SLC4A10: variants seen among roughly 807,000 people sequenced by gnomAD.
The protein encoded by SLC4A10 is solute carrier family 4 member 10, also known as sodium-driven chloride bicarbonate exchanger.
A neutral mutation model predicts 137.7 loss-of-function variants in SLC4A10; 42 were observed. The observed-to-expected ratio is 0.30, with a 90% confidence interval of 0.24 to 0.39. SLC4A10 has a LOEUF of 0.39. SLC4A10 is among the 10% of genes least tolerant of loss of function. SLC4A10 has a pLI of 1.00. For synonymous variants in SLC4A10, 474 were observed against 464.1 expected, an observed-to-expected ratio of 1.02 and a Z score of -0.27; for missense variants, 925 against 1,355.0, an observed-to-expected ratio of 0.68 and a Z score of 4.98.
At chr2:161,795,444 A>G (rs1393181374) in intron 2 of SLC4A10, among the ~76,000 whole-genome samples, 1 of 152,102 alleles carries the variant, frequency 6.6e-6, no homozygotes, top group African/African-American at 2.4e-5. Flanking sequence ...ATACAACTCA[A>G]TGAGTTTGGA....
chr2:161,906,665 C>T (rs543166890), intron 15 of SLC4A10, among the ~76,000 whole-genome samples: 44 of 152,290 alleles, frequency 2.9e-4, no homozygotes, highest in African/African-American at 9.6e-4. Flanking sequence ...TCTGCATCAA[C>T]CACCAATCAT....
intron 1 of SLC4A10, among the ~76,000 whole-genome samples, chr2:161,742,528 C>T (rs961257119): frequency 6.7e-6 from 1 of 149,522 alleles, no homozygotes; most frequent in Non-Finnish European, 1.5e-5. Flanking sequence ...GCAACCTCTG[C>T]CTCCTGAGTT....
chr2:161,897,026 G>C (rs534419238), intron 11 of SLC4A10, among the ~76,000 whole-genome samples: 18 of 152,110 alleles, frequency 1.2e-4, no homozygotes, highest in African/African-American at 4.1e-4. Flanking sequence ...ATATTATATA[G>C]AAAACTCCAT....
At chr2:161,919,706 A>G (rs1687780169) in intron 15 of SLC4A10, among the ~76,000 whole-genome samples, 1 of 152,136 alleles carries the variant, frequency 6.6e-6, no homozygotes, top group Non-Finnish European at 1.5e-5. Context: ...TTCTTCCTGG[A>G]TGTAGGACAA....
chr2:161,821,470 C>T (rs988667284), intron 3 of SLC4A10, among the ~76,000 whole-genome samples: 10 of 152,148 alleles, frequency 6.6e-5, no homozygotes, highest in Non-Finnish European at 1.5e-4. Context: ...ATTCTATTAA[C>T]TTAGACAATT....
intron 15 of SLC4A10, among the ~76,000 whole-genome samples, chr2:161,911,160 A>G (rs1685748957): frequency 6.6e-6 from 1 of 152,030 alleles, no homozygotes; most frequent in Non-Finnish European, 1.5e-5. Flanking sequence ...AATAATTGAC[A>G]TTACTCGGCC....
intron 6 of SLC4A10, among the ~76,000 whole-genome samples, chr2:161,864,076 C>A (rs552126289): frequency 7.2e-5 from 11 of 152,118 alleles, no homozygotes; most frequent in African/African-American, 2.7e-4. Flanking sequence ...GTAGTGGGTG[C>A]CTGTAGTCCC....
intron 1 of SLC4A10, among the ~76,000 whole-genome samples, chr2:161,700,697 A>G (rs989490225): frequency 6.6e-6 from 1 of 152,122 alleles, no homozygotes; most frequent in African/African-American, 2.4e-5. Context: ...TTGGAAGCTC[A>G]AGCAGCTTTG....
chr2:161,958,412 T>C (rs1696045577), intron 20 of SLC4A10, 75 bp from the exon 21 acceptor site: 9 of 1,286,568 alleles, frequency 7.0e-6, no homozygotes, highest in Non-Finnish European at 1.0e-5. Context: ...TTTCCCTGTT[T>C]TTTTCTTTGA....
At chr2:161,719,850 T>C (rs983438575) in intron 1 of SLC4A10, among the ~76,000 whole-genome samples, 10 of 151,938 alleles carry the variant, frequency 6.6e-5, no homozygotes, top group Non-Finnish European at 1.3e-4. Flanking sequence ...AGGTTGCCTG[T>C]TCACTCTGAT....
At chr2:161,850,288 A>C (rs1377855006) in intron 4 of SLC4A10, among the ~76,000 whole-genome samples, 1 of 152,136 alleles carries the variant, frequency 6.6e-6, no homozygotes, top group Non-Finnish European at 1.5e-5. Context: ...GCTACTTGTG[A>C]TGTGAGGCAG....
At chr2:161,715,031 A>T (rs575682885) in intron 1 of SLC4A10, among the ~76,000 whole-genome samples, 2 of 152,030 alleles carry the variant, frequency 1.3e-5, no homozygotes, top group South Asian at 4.1e-4. Flanking sequence ...ATGTAAACAC[A>T]ATTTTAGTAT....
chr2:161,836,613 G>T (rs1241160334), intron 3 of SLC4A10, among the ~76,000 whole-genome samples: 4 of 133,896 alleles, frequency 3.0e-5, no homozygotes, highest in Non-Finnish European at 4.8e-5. Flanking sequence ...AGGAAGGAAA[G>T]AAATGAAAGA....
intron 15 of SLC4A10, among the ~76,000 whole-genome samples, chr2:161,920,614 A>G (rs1316697014): frequency 6.6e-6 from 1 of 152,236 alleles, no homozygotes. Flanking sequence ...TTCTTTCTAA[A>G]GATGAATTTT....
intron 1 of SLC4A10, among the ~76,000 whole-genome samples, chr2:161,762,812 C>T (rs750347178): frequency 5.9e-5 from 9 of 151,718 alleles, no homozygotes; most frequent in Admixed American, 6.6e-5. Context: ...AGTATTTTAA[C>T]GTTAATGAGA....
intron 1 of SLC4A10, among the ~76,000 whole-genome samples, chr2:161,679,505 A>T (rs555846325): frequency 6.6e-6 from 1 of 152,248 alleles, no homozygotes; most frequent in Non-Finnish European, 1.5e-5. Context: ...ACATGATGAC[A>T]TGTAAAATAG....
chr2:161,762,708 C>T (rs560264040), intron 1 of SLC4A10, among the ~76,000 whole-genome samples: 2 of 151,876 alleles, frequency 1.3e-5, no homozygotes, highest in African/African-American at 2.4e-5. Context: ...TAAATCTGAT[C>T]GTGAAAGTAA....
At chr2:161,854,110 T>C (rs2059973842) in intron 4 of SLC4A10, among the ~76,000 whole-genome samples, 2 of 151,990 alleles carry the variant, frequency 1.3e-5, no homozygotes, top group African/African-American at 4.8e-5. Context: ...AGGGAAATGG[T>C]GGAGATGGAG....
intron 1 of SLC4A10, among the ~76,000 whole-genome samples, chr2:161,713,995 C>CACTT (rs72316788): frequency 0.12 from 17,796 of 151,624 alleles, 1,093 homozygotes; most frequent in African/African-American, 0.17. Context: ...TTATTACTCT[C>CACTT]AGTATAAATG....
Sources: gnomAD v4.1 joint callset for allele counts (sites outside exome capture counted in the v4.1 genomes callset) on GRCh38, gnomAD v4.1.1 for gene constraint, MANE v1.5 for transcripts, NCBI Gene and HGNC (gene_info 2026-07-23, HGNC 2026-07-21) for gene names.